The following SLC1A1 variants were observed in gnomAD, a reference collection of about 807,000 sequenced individuals.
SLC1A1 encodes the protein excitatory amino acid transporter 3.
Under a neutral mutation model 53.3 loss-of-function variants are expected in SLC1A1, and 43 were observed. The ratio of observed to expected loss-of-function variants is 0.81; its 90% CI spans 0.63 to 1.04. SLC1A1 has a LOEUF of 1.04. Among genes scored for constraint, SLC1A1 ranks in the 50% least tolerant of loss-of-function variants. The probability of loss-of-function intolerance (pLI) is 0.00; values close to 1 mark genes in which losing one functional copy is unlikely to be tolerated. For missense variants in SLC1A1, 748 were observed against 664.9 expected (o/e 1.12, Z -1.37); for synonymous variants, 307 against 243.2 (o/e 1.26, Z -2.44).
intron 1 of SLC1A1, among the ~76,000 whole-genome samples, chr9:4,515,199 C>T (rs376158327): frequency 3.3e-5 from 5 of 152,134 alleles, no homozygotes; most frequent in East Asian, 3.9e-4. Context: ...AGATGCTGGC[C>T]TCTTCTAACC....
chr9:4,569,622 G>A (rs2129749972), intron 6 of SLC1A1, among the ~76,000 whole-genome samples: 1 of 152,320 alleles, frequency 6.6e-6, no homozygotes, highest in South Asian at 2.1e-4. Context: ...GTGTTCATTA[G>A]ACTTAAGAAT....
intron 1 of SLC1A1, among the ~76,000 whole-genome samples, chr9:4,502,694 A>G (rs1415532178): frequency 3.3e-5 from 5 of 151,742 alleles, no homozygotes; most frequent in Non-Finnish European, 7.3e-5. Context: ...AGCTTAGGTT[A>G]CTAATTATTA....
chr9:4,538,959 T>G (rs1816786973), intron 1 of SLC1A1, among the ~76,000 whole-genome samples: 1 of 152,258 alleles, frequency 6.6e-6, no homozygotes, highest in Admixed American at 6.5e-5. Flanking sequence ...GACACATAAT[T>G]AATTTGCTTA....
chr9:4,518,234 CAAAAAAAAAAA>C (rs34559140), intron 1 of SLC1A1, among the ~76,000 whole-genome samples: 1 of 60,432 alleles, frequency 1.7e-5, no homozygotes, highest in Non-Finnish European at 2.8e-5. Context: ...TATTCCACCT[CAAAAAAAAAAA>C]AAAAAAAAAA....
chr9:4,497,274 A>T (rs943517418), intron 1 of SLC1A1, among the ~76,000 whole-genome samples: 1 of 152,150 alleles, frequency 6.6e-6, no homozygotes, highest in Non-Finnish European at 1.5e-5. Flanking sequence ...AAACTTGCCC[A>T]AGGTCGAGGG....
At chr9:4,520,542 G>C (rs1229926310) in intron 1 of SLC1A1, among the ~76,000 whole-genome samples, 3 of 152,120 alleles carry the variant, frequency 2.0e-5, no homozygotes, top group African/African-American at 4.8e-5. Context: ...TCTTTGGCTT[G>C]TTTCACTTAG....
intron 1 of SLC1A1, among the ~76,000 whole-genome samples, chr9:4,506,369 A>G (rs59750278): frequency 0.032 from 4,902 of 152,294 alleles, 292 homozygotes; most frequent in African/African-American, 0.11. Context: ...TTGTGTACAG[A>G]TGACTTTTGT....
At chr9:4,575,708 G>C (rs1221017768) in intron 8 of SLC1A1, among the ~76,000 whole-genome samples, 4 of 152,196 alleles carry the variant, frequency 2.6e-5, no homozygotes, top group Admixed American at 6.5e-5. Flanking sequence ...CATGTGGCAG[G>C]AATAGCACAC....
At chr9:4,522,808 A>AC (rs540423988) in intron 1 of SLC1A1, among the ~76,000 whole-genome samples, 55 of 151,740 alleles carry the variant, frequency 3.6e-4, no homozygotes, top group African/African-American at 1.3e-3. Flanking sequence ...CATGTGGGAG[A>AC]CCCCCACCTC....
intron 1 of SLC1A1, among the ~76,000 whole-genome samples, chr9:4,507,912 G>T (rs1172401169): frequency 6.6e-6 from 1 of 152,122 alleles, no homozygotes; most frequent in Non-Finnish European, 1.5e-5. Flanking sequence ...GAACCAAGAA[G>T]GTGTTTACAG....
intron 2 of SLC1A1, among the ~76,000 whole-genome samples, chr9:4,557,490 G>A (rs900318884): frequency 3.3e-5 from 5 of 152,088 alleles, no homozygotes; most frequent in Non-Finnish European, 7.4e-5. Context: ...CTTAAATTGA[G>A]ATTAATTAAA....
At chr9:4,555,538 A>C (rs1190376880) in intron 2 of SLC1A1, among the ~76,000 whole-genome samples, 1 of 152,218 alleles carries the variant, frequency 6.6e-6, no homozygotes, top group Non-Finnish European at 1.5e-5. Context: ...TGCTCATCAG[A>C]GCCTTCTCCT....
intron 1 of SLC1A1, among the ~76,000 whole-genome samples, chr9:4,518,415 G>A (rs1046823594): frequency 3.3e-5 from 5 of 151,546 alleles, no homozygotes; most frequent in Non-Finnish European, 4.4e-5. Context: ...CACCCAGGCT[G>A]GAGTGCAGTG....
rs1182666909 is a variant in SLC1A1, at chr9:4,493,838, AT to A, written c.91+3073del. 4.6e-5 allele frequency among the ~76,000 whole-genome samples: 7 copies of A among 152,208 alleles called. No individual in the cohort carries two copies. In the East Asian group the frequency reaches 1.3e-3, roughly 29 times the overall value. ...TTGATTATAGAAATAAGAGGCAAAG[AT>A]TTTTATGAGCCAGCTTAAAGCCTGA... On this transcript the variant is annotated intron_variant, in intron 1 of 11. Transcript: ENST00000262352.
At chr9:4,521,288 C>T (rs140790717) in intron 1 of SLC1A1, among the ~76,000 whole-genome samples, 889 of 152,268 alleles carry the variant, frequency 5.8e-3, no homozygotes, top group Non-Finnish European at 8.9e-3. Flanking sequence ...CTACCAGGTA[C>T]TACCTCCTAT....
intron 11 of SLC1A1, among the ~76,000 whole-genome samples, chr9:4,584,861 C>T (rs1564071642): frequency 6.6e-6 from 1 of 152,174 alleles, no homozygotes. Flanking sequence ...TGGACCTGAA[C>T]AAACACATAC....
chr9:4,504,082 G>A (rs971300039), intron 1 of SLC1A1, among the ~76,000 whole-genome samples: 12 of 151,706 alleles, frequency 7.9e-5, no homozygotes, highest in African/African-American at 2.4e-4. Context: ...CTCCCAGACT[G>A]GAGAGCATCT....
chr9:4,499,043 T>C (rs907135682), intron 1 of SLC1A1, among the ~76,000 whole-genome samples: 4 of 98,362 alleles, frequency 4.1e-5, no homozygotes, highest in Non-Finnish European at 7.5e-5. Context: ...TATATGTATA[T>C]ATATATCTTT....
intron 1 of SLC1A1, among the ~76,000 whole-genome samples, chr9:4,538,305 G>A (rs1160040565): frequency 6.6e-6 from 1 of 152,198 alleles, no homozygotes; most frequent in Non-Finnish European, 1.5e-5. Context: ...CTTGAAGCAG[G>A]CAGGCAGCTT....
Sources: allele counts gnomAD v4.1 joint callset (sites outside exome capture counted in the v4.1 genomes callset), GRCh38; gene constraint gnomAD v4.1.1; transcripts MANE v1.5; gene names NCBI Gene and HGNC (gene_info 2026-07-23, HGNC 2026-07-21).